RFT1: variants seen among roughly 807,000 people sequenced by gnomAD.
The protein encoded by RFT1 is man(5)GlcNAc(2)-PP-dolichol translocation protein RFT1.
In RFT1, 43 loss-of-function variants were observed where a neutral mutation model predicts 62.2. That is an observed-to-expected ratio of 0.69 (90% CI 0.54 to 0.89). The LOEUF is 0.89. Ranked by LOEUF, RFT1 falls within the 40% of genes least tolerant of loss-of-function variation. RFT1 has a pLI of 0.00. For synonymous variants in RFT1, 262 were observed against 264.6 expected (o/e 0.99, Z 0.10); for missense variants, 605 against 649.9 (o/e 0.93, Z 0.75).
In RFT1 at chr3:53,102,989, G is replaced by C. The variant is rs138042941; in HGVS notation, c.1102+964C>G. ...AACTTACTAATGCCTTCCTCATGAG[G>C]CCTCCCCACAGCTGCCAGATGGAAA... On this transcript the variant is annotated intron_variant, in intron 10 of 12. Transcript: ENST00000296292. 1.2e-3 allele frequency: 547 copies of C among 470,202 alleles called. 2 individuals are homozygous for C. The highest frequency in any genetic ancestry group is 0.011 in the African/African-American group (524 of 47,404). The allele number at this position is 470,202 out of a possible 1,614,324, so 29.1% of individuals were successfully genotyped here.
chr3:53,083,462 T>C, the RFT1 span, among the ~76,000 whole-genome samples: 1 of 138,558 alleles, frequency 7.2e-6, no homozygotes, highest in Non-Finnish European at 1.5e-5. Context: ...GCCACTGCAC[T>C]CCAGCCTGGG....
In RFT1 at chr3:53,123,723, C is replaced by A. The variant is rs371764423; in HGVS notation, c.266+1G>T. 2 of 1,611,580 alleles carry A rather than the reference C, an allele frequency of 1.2e-6. No individual in the cohort carries two copies. The highest frequency in any genetic ancestry group is 2.7e-5 in the African/African-American group (2 of 74,886). On this transcript the variant is annotated splice_donor_variant, in intron 3 of 12. Coordinates refer to ENST00000296292, the MANE Select transcript of RFT1 (RefSeq NM_052859.4). LOFTEE classifies it high-confidence loss of function. ...GTGTCTCCTGCCAAAGCACAACTCA[C>A]GTTAGCCACAGCAGGTTGAGGGTCT... is the stretch of plus-strand genomic sequence containing the variant.
Position 53,104,113 on chromosome 3 carries a change from A to T in RFT1, c.958-16T>A, listed in dbSNP as rs1262656532. ...CAACGTCCTCCTGGGGCCAGGGAAG[A>T]GGGAAGGAAGTTGGATGAATCATGA... On this transcript the variant is annotated splice_polypyrimidine_tract_variant and intron_variant, in intron 9 of 12. Transcript: ENST00000296292. The T allele has an allele frequency of 6.2e-7, 1 of 1,614,088 alleles. No individual in the cohort carries two copies. The highest frequency in any genetic ancestry group is 8.5e-7 in the Non-Finnish European group (1 of 1,179,958).
the RFT1 span, among the ~76,000 whole-genome samples, chr3:53,076,248 A>G: frequency 2.0e-5 from 3 of 151,970 alleles, no homozygotes; most frequent in Non-Finnish European, 4.4e-5. Flanking sequence ...GGATCTTACT[A>G]CCTCTCTGAG....
chr3:53,105,260 A>G (rs1032079587), intron 9 of RFT1, among the ~76,000 whole-genome samples: 1 of 152,196 alleles, frequency 6.6e-6, no homozygotes, highest in Non-Finnish European at 1.5e-5. Context: ...CTAAAAATAC[A>G]TAAATTAGCT....
chr3:53,096,021 G>C (rs1701129285), intron 11 of RFT1, among the ~76,000 whole-genome samples: 2 of 152,128 alleles, frequency 1.3e-5, no homozygotes, highest in African/African-American at 4.8e-5. Context: ...CCCCATCTTA[G>C]ACCACCTTCT....
chr3:53,120,558 G>A (rs2107159376), intron 5 of RFT1, among the ~76,000 whole-genome samples: 1 of 152,312 alleles, frequency 6.6e-6, no homozygotes, highest in South Asian at 2.1e-4. Context: ...AGGGTAGGGT[G>A]ATAAGAGGGC....
chr3:53,105,943 G>A, intron 8 of RFT1, 140 bp from the exon 9 acceptor site: 4 of 891,738 alleles, frequency 4.5e-6, no homozygotes, highest in Non-Finnish European at 6.6e-6. Context: ...GTTATAAGAA[G>A]TAATAGTGGC....
chr3:53,092,595 AG>A lies in RFT1; in HGVS notation c.1231del (p.Leu411CysfsTer12), dbSNP rs771934344. 4.4e-5 allele frequency: 71 copies of A among 1,612,080 alleles called. No individual in the cohort carries two copies. Among genetic ancestry groups the A allele is most frequent in the Non-Finnish European group, 5.9e-5 (70 of 1,179,360 alleles). On this transcript the variant is annotated frameshift_variant, in exon 12 of 13. Coordinates refer to ENST00000296292, the MANE Select transcript of RFT1 (RefSeq NM_052859.4). LOFTEE classifies it high-confidence loss of function. ...VDRYNFVMLA[L>X]SSSFLVLSYL... ...GGATAACACCAGGAATGAGGAGGAC[AG>A]GGCCAGCATCACAAAATTGTACCTG... is the stretch of plus-strand genomic sequence containing the variant.
intron 7 of RFT1, among the ~76,000 whole-genome samples, chr3:53,108,762 G>C (rs186905458): frequency 6.6e-6 from 1 of 150,980 alleles, no homozygotes; most frequent in African/African-American, 2.4e-5. Context: ...GTGCAATGGT[G>C]CTATCTGGGC....
intron 6 of RFT1, among the ~76,000 whole-genome samples, chr3:53,114,140 T>C (rs1342941058): frequency 6.6e-6 from 1 of 152,166 alleles, no homozygotes; most frequent in Non-Finnish European, 1.5e-5. Context: ...TCTTCAGACT[T>C]GGATTCTGAC....
downstream of RFT1, among the ~76,000 whole-genome samples, chr3:53,085,398 C>T (rs1162511260): frequency 6.6e-6 from 1 of 152,120 alleles, no homozygotes; most frequent in African/African-American, 2.4e-5. Flanking sequence ...TTCATTCGGC[C>T]TCACAGGTGG....
At chr3:53,082,507 GATA>G in the RFT1 span, among the ~76,000 whole-genome samples, 3 of 151,848 alleles carry the variant, frequency 2.0e-5, no homozygotes, top group South Asian at 6.3e-4. Context: ...TAACAATAAT[GATA>G]ATAATAATAA....
intron 7 of RFT1, among the ~76,000 whole-genome samples, chr3:53,108,335 AG>A (rs1701548505): frequency 6.6e-6 from 1 of 150,618 alleles, no homozygotes; most frequent in African/African-American, 2.4e-5. Context: ...TGCAGGTGTG[AG>A]CCACTGTGCC....
the RFT1 span, among the ~76,000 whole-genome samples, chr3:53,074,945 C>T: frequency 6.6e-6 from 1 of 152,194 alleles, no homozygotes; most frequent in East Asian, 1.9e-4. Flanking sequence ...GGCTCTGGAA[C>T]TTGCATGCTG....
the RFT1 span, among the ~76,000 whole-genome samples, chr3:53,079,475 T>A: frequency 6.6e-6 from 1 of 152,126 alleles, no homozygotes. Flanking sequence ...GGCTCACATG[T>A]GTAATCCCAG....
chr3:53,078,498 C>T, the RFT1 span, among the ~76,000 whole-genome samples: 5 of 152,256 alleles, frequency 3.3e-5, no homozygotes, highest in East Asian at 9.7e-4. Context: ...CCTGTAATCC[C>T]AGTACTTTAG....
the RFT1 span, among the ~76,000 whole-genome samples, chr3:53,074,509 G>T: frequency 6.6e-6 from 1 of 152,088 alleles, no homozygotes; most frequent in Non-Finnish European, 1.5e-5. Context: ...GCTAAGGCAG[G>T]TCCAGGGGAG....
intron 4 of RFT1, 50 bp downstream of exon 4, chr3:53,122,324 G>A (rs938114566): frequency 5.1e-6 from 8 of 1,556,196 alleles, no homozygotes; most frequent in Non-Finnish European, 7.1e-6. Context: ...AAAAAACAAC[G>A]CTTTTTCTTA....
Sources: gnomAD v4.1 joint callset for allele counts (sites outside exome capture counted in the v4.1 genomes callset) on GRCh38, gnomAD v4.1.1 for gene constraint, MANE v1.5 for transcripts, NCBI Gene and HGNC (gene_info 2026-07-23, HGNC 2026-07-21) for gene names.